Variants in ABTB2 observed in about 807,000 individuals in gnomAD.
ABTB2 encodes the protein ankyrin repeat and BTB/POZ domain-containing protein 2.
Under a neutral mutation model 104.1 loss-of-function variants are expected in ABTB2, and 56 were observed. The observed-to-expected ratio is 0.54, with a 90% CI of 0.43 to 0.67. ABTB2 has a LOEUF of 0.67. ABTB2 is among the 30% of genes least tolerant of loss of function. The pLI is 0.00. For synonymous variants in ABTB2, 606 were observed against 608.2 expected (o/e 1.00, Z 0.05); for missense variants, 1,279 against 1,407.7 (o/e 0.91, Z 1.46).
chr11:34,271,663 G>A (rs376765509), intron 1 of ABTB2, among the ~76,000 whole-genome samples: 3 of 152,300 alleles, frequency 2.0e-5, no homozygotes, highest in East Asian at 1.9e-4. Flanking sequence ...GGGCCCAGAA[G>A]GTTGAGGCTG....
intron 1 of ABTB2, among the ~76,000 whole-genome samples, chr11:34,210,989 A>G (rs1853474197): frequency 6.6e-6 from 1 of 152,290 alleles, no homozygotes; most frequent in South Asian, 2.1e-4. Flanking sequence ...CTGGAATTTT[A>G]TATATAGTAC....
At chr11:34,203,716 T>C (rs1853372099) in intron 2 of ABTB2, among the ~76,000 whole-genome samples, 1 of 152,162 alleles carries the variant, frequency 6.6e-6, no homozygotes, top group Admixed American at 6.5e-5. Flanking sequence ...GAGGAAGCCA[T>C]GACCTGAAGA....
chr11:34,314,438 A>T (rs1854899862), intron 1 of ABTB2, among the ~76,000 whole-genome samples: 1 of 152,202 alleles, frequency 6.6e-6, no homozygotes, highest in African/African-American at 2.4e-5. Context: ...CATGTTCAAT[A>T]GTATTTGTTG....
Position 34,356,684 on chromosome 11 carries a change from G to A in ABTB2, c.883+17C>T, listed in dbSNP as rs1198437433. The A allele has an allele frequency of 1.0e-5, 16 of 1,560,734 alleles. No homozygotes were observed. Among genetic ancestry groups the A allele is most frequent in the Non-Finnish European group, 1.4e-5 (16 of 1,145,632 alleles). ...TCTTGCCTACCCAGTCTGCCAGTCC[G>A]AGGCCCGCGCGCTTACCATTGGCGT... On this transcript the variant is annotated intron_variant, in intron 1 of 16. Transcript: ENST00000435224. This position sits in a 1 kb window ranked among gnomAD's most constrained non-coding sequence, Gnocchi z 4.6.
intron 14 of ABTB2, among the ~76,000 whole-genome samples, chr11:34,155,942 A>C (rs1852619279): frequency 6.6e-6 from 1 of 152,224 alleles, no homozygotes; most frequent in Non-Finnish European, 1.5e-5. Flanking sequence ...GTGCTCAGTA[A>C]GGTGAGGCAC....
chr11:34,212,954 C>T (rs1853501385), intron 1 of ABTB2, among the ~76,000 whole-genome samples: 1 of 152,160 alleles, frequency 6.6e-6, no homozygotes, highest in Non-Finnish European at 1.5e-5. Flanking sequence ...GGGTGATGTG[C>T]TCAGGGCCAG....
intron 2 of ABTB2, 71 bp downstream of exon 2, chr11:34,204,473 C>T: frequency 6.7e-7 from 1 of 1,484,702 alleles, no homozygotes; most frequent in South Asian, 1.4e-5. Flanking sequence ...GGCGAGCTCT[C>T]CCTGCCTTCC....
In ABTB2 at chr11:34,154,613, G is replaced by C; in HGVS notation, c.2766+88C>G. On this transcript the variant is annotated intron_variant, in intron 15 of 16. Coordinates refer to ENST00000435224, the MANE Select transcript of ABTB2 (RefSeq NM_145804.3). This position sits in a 1 kb window ranked among gnomAD's most constrained non-coding sequence, Gnocchi z 4.9. ...GCTCTTCCTGTCAGATGGAGAGGAAGAGCCACCTTCCCTCTGAAGGGGGTG... is the reference window on the plus strand; with the variant it reads ...GCTCTTCCTGTCAGATGGAGAGGAACAGCCACCTTCCCTCTGAAGGGGGTG... The C allele has an allele frequency of 7.4e-7, 1 of 1,345,198 alleles. No individual in the cohort carries two copies. The allele number at this position is 1,345,198 out of a possible 1,614,324, so 83.3% of individuals were successfully genotyped here.
At chr11:34,251,057 T>C (rs1854049615) in intron 1 of ABTB2, among the ~76,000 whole-genome samples, 1 of 152,072 alleles carries the variant, frequency 6.6e-6, no homozygotes, top group Non-Finnish European at 1.5e-5. Context: ...ACCCATGGAG[T>C]TGGCAGGTAG....
chr11:34,284,413 G>C (rs1042409941), intron 1 of ABTB2, among the ~76,000 whole-genome samples: 1 of 152,232 alleles, frequency 6.6e-6, no homozygotes, highest in Non-Finnish European at 1.5e-5. Context: ...TGTCTGAGCT[G>C]CCTTACAGAA....
intron 1 of ABTB2, among the ~76,000 whole-genome samples, chr11:34,256,620 C>T (rs576638057): frequency 2.0e-5 from 3 of 152,178 alleles, no homozygotes; most frequent in East Asian, 1.9e-4. Flanking sequence ...GACATGGTGT[C>T]GGCAACCTGT....
chr11:34,333,319 G>A (rs756135448), intron 1 of ABTB2, among the ~76,000 whole-genome samples: 1 of 152,066 alleles, frequency 6.6e-6, no homozygotes, highest in African/African-American at 2.4e-5. Flanking sequence ...GTTACATAGC[G>A]GCATGTCTGG....
At chr11:34,216,990 T>C (rs2133047955) in intron 1 of ABTB2, among the ~76,000 whole-genome samples, 1 of 152,314 alleles carries the variant, frequency 6.6e-6, no homozygotes, top group South Asian at 2.1e-4. Flanking sequence ...CCTGATAACC[T>C]GGAAGTTACC....
intron 4 of ABTB2, among the ~76,000 whole-genome samples, chr11:34,172,906 A>T (rs974255887): frequency 1.3e-5 from 2 of 152,160 alleles, no homozygotes; most frequent in Non-Finnish European, 2.9e-5. Context: ...CCCAGTCCCA[A>T]TGTGTGTCTC....
At chr11:34,187,070 C>A (rs1303545209) in intron 3 of ABTB2, among the ~76,000 whole-genome samples, 1 of 152,210 alleles carries the variant, frequency 6.6e-6, no homozygotes, top group Non-Finnish European at 1.5e-5. Flanking sequence ...CCTCGGACCT[C>A]CTCAAGGCCT....
chr11:34,199,014 TTCATGCTGCTTCTGGGAATC>T (rs1426941887), intron 2 of ABTB2, among the ~76,000 whole-genome samples: 2 of 152,336 alleles, frequency 1.3e-5, no homozygotes, highest in East Asian at 3.9e-4. Flanking sequence ...TCAATTAACC[TTCATGCTGCTTCTGGGAATC>T]TGGTGTTCTG....
At chr11:34,274,291 C>T (rs1854356830) in intron 1 of ABTB2, among the ~76,000 whole-genome samples, 1 of 149,614 alleles carries the variant, frequency 6.7e-6, no homozygotes, top group Non-Finnish European at 1.5e-5. Flanking sequence ...ATCACCCTTT[C>T]TTACAATAAG....
rs138095734 is a variant in ABTB2 at position 34,340,748 on chromosome 11, C to T, written c.883+15953G>A. ...ATCCTGGCAGTAGCTGTCCAGGTGG[C>T]GGCTCTCCAGGTAGATACCAATAGG... On this transcript the variant is annotated intron_variant, in intron 1 of 16. Transcript: ENST00000435224. 8.7e-3 allele frequency among the ~76,000 whole-genome samples: 1,331 copies of T among 152,288 alleles called. 42 individuals carry two copies. The highest frequency in any genetic ancestry group is 0.072 in the East Asian group (376 of 5,188).
chr11:34,284,704 T>C (rs1008384981), intron 1 of ABTB2, among the ~76,000 whole-genome samples: 5 of 152,090 alleles, frequency 3.3e-5, no homozygotes, highest in African/African-American at 4.8e-5. Context: ...TAAACACACA[T>C]AGGAACATTT....
Sources: gnomAD v4.1 joint callset for allele counts (sites outside exome capture counted in the v4.1 genomes callset) on GRCh38, gnomAD v4.1.1 for gene constraint, Gnocchi (gnomAD v3.1) non-coding constraint, MANE v1.5 for transcripts, NCBI Gene and HGNC (gene_info 2026-07-23, HGNC 2026-07-21) for gene names.